Variants in CHD9 observed in about 807,000 individuals in gnomAD.
CHD9 encodes the protein chromodomain helicase DNA binding protein 9, also known as ATP-dependent chromatin remodeler CHD9.
CHD9 carries 77 observed loss-of-function variants against 316.1 expected under a neutral mutation model. That is an observed-to-expected ratio of 0.24 (90% CI 0.20 to 0.29). The LOEUF (loss-of-function observed/expected upper bound fraction) is 0.29, where lower values mean the gene tolerates loss of function less well. Ranked by LOEUF, CHD9 falls within the 10% of genes least tolerant of loss-of-function variation. CHD9 has a pLI of 1.00. For missense variants in CHD9, 2,763 were observed against 3,438.1 expected (o/e 0.80, Z 4.91); for synonymous variants, 1,129 against 1,158.3 (o/e 0.97, Z 0.51).
chr16:53,315,555 T>C (rs1410793294), intron 36 of CHD9, among the ~76,000 whole-genome samples: 1 of 152,098 alleles, frequency 6.6e-6, no homozygotes, highest in Non-Finnish European at 1.5e-5. Flanking sequence ...CTCGGCTCAC[T>C]TCAACCTCTG....
intron 1 of CHD9, among the ~76,000 whole-genome samples, chr16:53,074,593 C>T (rs2034368404): frequency 6.6e-6 from 1 of 152,182 alleles, no homozygotes; most frequent in African/African-American, 2.4e-5. Context: ...GCCCTGCATC[C>T]CAGCCACTCC....
At chr16:53,129,673 C>G (rs1273397824) in intron 1 of CHD9, among the ~76,000 whole-genome samples, 1 of 152,236 alleles carries the variant, frequency 6.6e-6, no homozygotes, top group African/African-American at 2.4e-5. Flanking sequence ...GAAATATCAC[C>G]TGCACTGGAT....
At chr16:53,248,433 A>G (rs1662296826) in intron 16 of CHD9, among the ~76,000 whole-genome samples, 1 of 151,726 alleles carries the variant, frequency 6.6e-6, no homozygotes, top group South Asian at 2.1e-4. Flanking sequence ...TCTGATAGTA[A>G]CATATTAATG....
intron 30 of CHD9, among the ~76,000 whole-genome samples, chr16:53,303,087 G>A (rs1008068118): frequency 2.6e-5 from 4 of 152,026 alleles, no homozygotes; most frequent in African/African-American, 9.7e-5. Flanking sequence ...TTTGTTTATG[G>A]AGTATCACTT....
chr16:53,184,816 T>C (rs1250768874), intron 2 of CHD9, among the ~76,000 whole-genome samples: 1 of 152,148 alleles, frequency 6.6e-6, no homozygotes, highest in East Asian at 1.9e-4. Flanking sequence ...CACCATCCTG[T>C]TCTGGTGATA....
At chr16:53,218,134 T>C (rs1567500523) in intron 3 of CHD9, among the ~76,000 whole-genome samples, 1 of 152,100 alleles carries the variant, frequency 6.6e-6, no homozygotes, top group Non-Finnish European at 1.5e-5. Context: ...TTTAGAAGGT[T>C]TAGTAGGGAA....
At chr16:53,168,784 T>C (rs2042458990) in intron 2 of CHD9, 1 of 152,462 alleles carries the variant, frequency 6.6e-6, no homozygotes, top group Admixed American at 6.5e-5. Context: ...TTACCCAGGC[T>C]GGAGTACAAT....
chr16:53,181,138 G>C (rs1413784117), intron 2 of CHD9, among the ~76,000 whole-genome samples: 1 of 150,744 alleles, frequency 6.6e-6, no homozygotes, highest in Non-Finnish European at 1.5e-5. Flanking sequence ...AGCCTCCCGA[G>C]TAGCTGGGAT....
intron 2 of CHD9, among the ~76,000 whole-genome samples, chr16:53,206,375 CCATCCT>C: frequency 1.3e-5 from 1 of 76,326 alleles, no homozygotes; most frequent in African/African-American, 5.0e-5. Context: ...AAAAAAAAAA[CCATCCT>C]AGCCTTATTA....
At chr16:53,287,445 C>T (rs902346017) in intron 26 of CHD9, among the ~76,000 whole-genome samples, 2 of 152,206 alleles carry the variant, frequency 1.3e-5, no homozygotes, top group Admixed American at 6.5e-5. Flanking sequence ...AGCGAACTCG[C>T]GGCTGGATGC....
intron 16 of CHD9, among the ~76,000 whole-genome samples, chr16:53,249,553 ATATAT>A (rs1161074534): frequency 2.6e-5 from 4 of 152,194 alleles, no homozygotes; most frequent in Admixed American, 6.5e-5. Context: ...CAAAAAAGTA[ATATAT>A]TATGATGAGA....
chr16:53,267,976 C>G lies in CHD9; in HGVS notation c.4567C>G (p.Leu1523Val), dbSNP rs748730024. 3 of 1,613,636 alleles carry G rather than the reference C, an allele frequency of 1.9e-6. No homozygotes were observed. In the East Asian group the frequency reaches 6.7e-5, roughly 36 times the overall value. ...ATCTCATGGCCGTTTCAAAAGGCAG[C>G]TAAATGAACACGATGTAGAGATAAT... ...ILSHGRFKRQLNEHDVEIICR... is the reference protein window; with the variant it reads ...ILSHGRFKRQVNEHDVEIICR... The change falls in exon 22 of 39, where the codon CTA (leucine) becomes GTA (valine). Residue 1523 changes from leucine to valine, a missense_variant. Physicochemically the swap from Leu to Val is conservative, Grantham distance 32. This residue lies in a region of CHD9 where 99 missense variants were observed against 131.6 expected (regional missense o/e 0.75). Coordinates refer to ENST00000447540, the MANE Select transcript of CHD9 (RefSeq NM_001308319.2).
At chr16:53,166,698 A>T (rs945088221) in intron 2 of CHD9, among the ~76,000 whole-genome samples, 1 of 152,172 alleles carries the variant, frequency 6.6e-6, no homozygotes, top group Admixed American at 6.5e-5. Flanking sequence ...TTAATACAAT[A>T]TGGTGTGGAT....
At chr16:53,313,376 G>T (rs1237360446) in intron 34 of CHD9, among the ~76,000 whole-genome samples, 3 of 152,048 alleles carry the variant, frequency 2.0e-5, no homozygotes, top group Admixed American at 2.0e-4. Flanking sequence ...CATGATCTCG[G>T]CTCACAGCAA....
At chr16:53,125,600 T>C (rs1036525207) in intron 1 of CHD9, among the ~76,000 whole-genome samples, 2 of 152,172 alleles carry the variant, frequency 1.3e-5, no homozygotes, top group Non-Finnish European at 1.5e-5. Context: ...AATTGTACTT[T>C]GAATTTTGAA....
At chr16:53,320,002 ATATAT>A (rs1236318959) in intron 37 of CHD9, 4 of 322,836 alleles carry the variant, frequency 1.2e-5, no homozygotes, top group South Asian at 1.1e-4. Flanking sequence ...ACTTCTTTAA[ATATAT>A]TATATAAATA....
At chr16:53,137,733 A>G (rs975399869) in intron 1 of CHD9, among the ~76,000 whole-genome samples, 2 of 152,234 alleles carry the variant, frequency 1.3e-5, no homozygotes, top group African/African-American at 4.8e-5. Context: ...TGGTTCAAAA[A>G]TGAGTACCCA....
intron 2 of CHD9, among the ~76,000 whole-genome samples, chr16:53,158,182 A>G (rs2041652992): frequency 6.6e-6 from 1 of 152,218 alleles, no homozygotes; most frequent in South Asian, 2.1e-4. Flanking sequence ...TTTGAAAAGC[A>G]ATTTGGTACT....
chr16:53,285,363 A>G (rs1033154035), intron 24 of CHD9, among the ~76,000 whole-genome samples: 2 of 152,204 alleles, frequency 1.3e-5, no homozygotes, highest in African/African-American at 4.8e-5. Flanking sequence ...GTTTAGTAAC[A>G]TTGTTGAAAC....
Sources: allele counts gnomAD v4.1 joint callset (sites outside exome capture counted in the v4.1 genomes callset), GRCh38; gene constraint gnomAD v4.1.1; regional missense constraint gnomAD v4.1.1; transcripts MANE v1.5; gene names NCBI Gene and HGNC (gene_info 2026-07-23, HGNC 2026-07-21).